PTN: variants seen among roughly 807,000 people sequenced by gnomAD.
The protein encoded by PTN is heparin affin regulatory protein.
PTN carries 18 observed loss-of-function variants against 24.1 expected under a neutral mutation model. The ratio of observed to expected loss-of-function variants is 0.75; its 90% CI spans 0.52 to 1.11. PTN has a LOEUF of 1.11. Among genes scored for constraint, PTN ranks in the 50% least tolerant of loss-of-function variants. PTN has a pLI of 0.00. For missense variants in PTN, 163 were observed against 198.8 expected, an observed-to-expected ratio of 0.82 and a Z score of 1.08; for synonymous variants, 78 against 68.6, an observed-to-expected ratio of 1.14 and a Z score of -0.67.
At chr7:137,300,497 G>A (rs1809788828) in intron 1 of PTN, among the ~76,000 whole-genome samples, 1 of 151,972 alleles carries the variant, frequency 6.6e-6, no homozygotes, top group Admixed American at 6.6e-5. Flanking sequence ...GGATATTGGG[G>A]CATTGTGGAA....
chr7:137,311,936 A>G (rs1196674562), intron 1 of PTN, among the ~76,000 whole-genome samples: 1 of 150,028 alleles, frequency 6.7e-6, no homozygotes, highest in Non-Finnish European at 1.5e-5. Context: ...ATGCAGGGTT[A>G]CCACAGATCT....
chr7:137,249,867 G>A (rs1052748322), intron 4 of PTN, among the ~76,000 whole-genome samples: 9 of 152,128 alleles, frequency 5.9e-5, no homozygotes, highest in Non-Finnish European at 1.0e-4. Flanking sequence ...GGTCCAGCCT[G>A]TACCTGGCCA....
At chr7:137,342,168 G>A (rs1370747918) in intron 1 of PTN, among the ~76,000 whole-genome samples, 2 of 152,078 alleles carry the variant, frequency 1.3e-5, no homozygotes, top group Non-Finnish European at 2.9e-5. Flanking sequence ...GGGCTAAAAT[G>A]GGCCCTGCTG....
intron 1 of PTN, among the ~76,000 whole-genome samples, chr7:137,333,295 G>A (rs893796768): frequency 3.9e-5 from 6 of 152,164 alleles, no homozygotes; most frequent in Admixed American, 2.6e-4. Context: ...GCAGAATCAT[G>A]AGCCAAATAA....
In PTN at chr7:137,235,588, C is replaced by A. The variant is rs148053266; in HGVS notation, c.452-7513G>T. Among the ~76,000 whole-genome samples, 3 of 152,272 alleles carry A rather than the reference C, an allele frequency of 2.0e-5. No homozygotes were observed. In the East Asian group the frequency reaches 5.8e-4, roughly 29 times the overall value. On this transcript the variant is annotated intron_variant, in intron 4 of 4. Coordinates refer to ENST00000348225, the MANE Select transcript of PTN (RefSeq NM_002825.7). Reference sequence around the variant, plus strand: ...TGCCTATGCAATAATTTTGTTGTTTCTTCTTTGATTTCCTATTTTGTAGCA... The same window carrying A: ...TGCCTATGCAATAATTTTGTTGTTTATTCTTTGATTTCCTATTTTGTAGCA...
At chr7:137,283,530 G>T (rs975269915) in intron 1 of PTN, among the ~76,000 whole-genome samples, 8 of 152,132 alleles carry the variant, frequency 5.3e-5, no homozygotes, top group Non-Finnish European at 8.8e-5. Flanking sequence ...TAGAAGCCTG[G>T]CAAACTTACT....
chr7:137,329,551 A>G (rs1810316077), intron 1 of PTN, among the ~76,000 whole-genome samples: 1 of 152,206 alleles, frequency 6.6e-6, no homozygotes, highest in Non-Finnish European at 1.5e-5. Flanking sequence ...GGGAACCATC[A>G]TCTAAGTACA....
intron 4 of PTN, among the ~76,000 whole-genome samples, chr7:137,240,706 C>A (rs1563196521): frequency 6.6e-6 from 1 of 152,138 alleles, no homozygotes; most frequent in Non-Finnish European, 1.5e-5. Flanking sequence ...CAGGCAAGTG[C>A]CCAGCCAGGA....
At chr7:137,229,828 G>A (rs1020014764) in intron 4 of PTN, among the ~76,000 whole-genome samples, 1 of 151,810 alleles carries the variant, frequency 6.6e-6, no homozygotes, top group Admixed American at 6.6e-5. Context: ...TTAGATCAAA[G>A]GAGACATTAT....
intron 1 of PTN, among the ~76,000 whole-genome samples, chr7:137,279,428 G>A (rs1216313034): frequency 6.6e-6 from 1 of 152,016 alleles, no homozygotes; most frequent in African/African-American, 2.4e-5. Flanking sequence ...CTTTTAAATT[G>A]GAATTTAATA....
At chr7:137,247,176 A>C (rs1039139943) in intron 4 of PTN, among the ~76,000 whole-genome samples, 1 of 152,324 alleles carries the variant, frequency 6.6e-6, no homozygotes, top group East Asian at 1.9e-4. Context: ...CTTCCACCCA[A>C]AATAAAGGGA....
chr7:137,303,097 C>A (rs1040200138), intron 1 of PTN, among the ~76,000 whole-genome samples: 1 of 152,008 alleles, frequency 6.6e-6, no homozygotes, highest in African/African-American at 2.4e-5. Context: ...TTGTTGCTGT[C>A]GTAATGGAAT....
intron 1 of PTN, among the ~76,000 whole-genome samples, chr7:137,343,137 A>G (rs1810561919): frequency 6.6e-6 from 1 of 152,160 alleles, no homozygotes; most frequent in African/African-American, 2.4e-5. Context: ...TCTCCAGCCC[A>G]CCCTGTCTTG....
chr7:137,237,219 GA>G (rs1808538647), intron 4 of PTN, among the ~76,000 whole-genome samples: 2 of 152,096 alleles, frequency 1.3e-5, no homozygotes, highest in Non-Finnish European at 1.5e-5. Context: ...GCATTTACAA[GA>G]AGAGGAAATT....
chr7:137,343,032 G>C lies in PTN; in HGVS notation c.-2+407C>G, dbSNP rs149680646. On this transcript the variant is annotated intron_variant, in intron 1 of 4. Transcript: ENST00000348225. ...AATCAGAGAGAGGCTGGGAAAATGA[G>C]AGCTGCTTGTTCAGGCTGCCTTACT... Among the ~76,000 whole-genome samples, 11 of 152,224 alleles carry C rather than the reference G, an allele frequency of 7.2e-5. No individual in the cohort carries two copies. The East Asian group carries it at 1.9e-3, about 27-fold the overall frequency.
At chr7:137,282,702 A>G (rs1039587956) in intron 1 of PTN, among the ~76,000 whole-genome samples, 1 of 152,246 alleles carries the variant, frequency 6.6e-6, no homozygotes, top group East Asian at 1.9e-4. Flanking sequence ...ACATTTAACA[A>G]TCAGAAAGTT....
chr7:137,312,629 G>A (rs1810002093), intron 1 of PTN, among the ~76,000 whole-genome samples: 1 of 151,948 alleles, frequency 6.6e-6, no homozygotes, highest in Non-Finnish European at 1.5e-5. Flanking sequence ...ATTGAAAAAT[G>A]TGAAGCTATT....
chr7:137,317,573 C>A (rs1810092970), intron 1 of PTN, among the ~76,000 whole-genome samples: 1 of 152,106 alleles, frequency 6.6e-6, no homozygotes, highest in African/African-American at 2.4e-5. Context: ...CCTTTTCATC[C>A]CAGAAACTGT....
At chr7:137,306,289 A>C (rs1475394162) in intron 1 of PTN, among the ~76,000 whole-genome samples, 1 of 152,068 alleles carries the variant, frequency 6.6e-6, no homozygotes, top group Non-Finnish European at 1.5e-5. Flanking sequence ...TCCGGTTGAA[A>C]GCTTTGACAG....
Sources: gnomAD v4.1 joint callset for allele counts (sites outside exome capture counted in the v4.1 genomes callset) on GRCh38, gnomAD v4.1.1 for gene constraint, MANE v1.5 for transcripts, NCBI Gene and HGNC (gene_info 2026-07-23, HGNC 2026-07-21) for gene names.